EEF2: variants seen among roughly 807,000 people sequenced by gnomAD.
EEF2 encodes the protein eukaryotic translation elongation factor 2.
EEF2 carries 21 observed loss-of-function variants against 85.3 expected under a neutral mutation model. That is an observed-to-expected ratio of 0.25 (90% CI 0.17 to 0.35). The LOEUF (loss-of-function observed/expected upper bound fraction) is 0.35. Ranked by LOEUF, EEF2 falls within the 10% of genes least tolerant of loss-of-function variation. The probability of loss-of-function intolerance (pLI) is 1.00; values close to 1 mark genes in which losing one functional copy is unlikely to be tolerated. For missense variants in EEF2, 825 were observed against 1,225.3 expected (o/e 0.67, Z 4.88); for synonymous variants, 723 against 508.8 (o/e 1.42, Z -5.67).
rs774127743 is a variant in EEF2, at chr19:3,977,631, C to T, written c.2068-21G>A. The stretch of plus-strand genomic sequence containing the variant: ...GCGCCCTGGGGGAGGGGGAGAGCCA[C>T]CGTCAAGGGCCGGACACACCTCGGC... On this transcript the variant is annotated intron_variant, in intron 12 of 14. Coordinates refer to ENST00000309311, the MANE Select transcript of EEF2 (RefSeq NM_001961.4). This position sits in a 1 kb window ranked among gnomAD's most constrained non-coding sequence, Gnocchi z 5.4. 2.5e-5 allele frequency: 38 copies of T among 1,498,920 alleles called. No homozygotes were observed. In the South Asian group the frequency reaches 4.0e-4, roughly 16 times the overall value. 92.9% of individuals were successfully genotyped at this position (1,498,920 alleles called of 1,614,324 possible).
chr19:3,984,803 A>G (rs542514153), intron 1 of EEF2: 35 of 190,284 alleles, frequency 1.8e-4, no homozygotes, highest in Middle Eastern at 2.3e-3. Context: ...CCCAGGAAAT[A>G]ACGGGGAGCC....
rs373062093 is a variant in EEF2, at chr19:3,977,990, C to A, written c.1896G>T (p.Ala632=). ...VSARQELKQR[A]RYLAEKYEWD... is the part of the protein sequence containing the mutation. ...ACTCGTACTTCTCGGCCAGGTAGCG[C>A]GCCCGCTGCTTGAGCTCCTGACGGG... The change falls in exon 12 of 15, where the codon GCG becomes GCT. Residue 632 remains alanine, a synonymous_variant. Transcript: ENST00000309311. The surrounding 1 kb of genome is among the most constrained non-coding windows in gnomAD (Gnocchi z 5.4). 97 of 1,612,704 alleles carry A rather than the reference C, an allele frequency of 6.0e-5. 2 individuals carry two copies. In the South Asian group the frequency reaches 6.9e-4, roughly 12 times the overall value.
Position 3,982,058 on chromosome 19 carries a change from A to G in EEF2, c.792-6T>C, listed in dbSNP as rs772024556. 28 of 1,614,056 alleles carry G rather than the reference A, an allele frequency of 1.7e-5. No individual in the cohort carries two copies. The highest frequency in any genetic ancestry group is 2.4e-5 in the Non-Finnish European group (28 of 1,179,914). On this transcript the variant is annotated splice_polypyrimidine_tract_variant and splice_region_variant and intron_variant, in intron 5 of 14. Transcript: ENST00000309311. The stretch of plus-strand genomic sequence containing the variant: ...CGTTGGCTGGGTCAAAGTACCTGGC[A>G]AGGAGAGGCCAAGCCAAATCAAGTT...
At position 3,979,800 on chromosome 19, in the gene EEF2, G is replaced by A. The variant is rs373448532; in HGVS notation, c.1605+8C>T. The stretch of plus-strand genomic sequence containing the variant: ...TGTCTGCTCCCAGCAGGTGCACTCC[G>A]TGCCCACCTGCACCATGGGGTCGGA... On this transcript the variant is annotated splice_region_variant and intron_variant, in intron 10 of 14. Transcript: ENST00000309311. 58 of 1,609,082 alleles carry A rather than the reference G, an allele frequency of 3.6e-5. No homozygotes were observed. Among genetic ancestry groups the A allele is most frequent in the South Asian group, 9.9e-5 (9 of 91,020 alleles).
In EEF2 at chr19:3,982,840, G is replaced by A; in HGVS notation, c.579C>T (p.Gly193=). ...TGCCCATGGGGCCGCTCTCGCCCTC[G>A]CCGTAGGTGGAGATGATGACGTTCA... ...ENVNVIISTY[G]EGESGPMGNI... is the part of the protein sequence containing the mutation. The change falls in exon 4 of 15, where the codon GGC becomes GGT. Residue 193 remains glycine, a synonymous_variant. Transcript: ENST00000309311. 1 of 1,612,978 alleles carries A rather than the reference G, an allele frequency of 6.2e-7. No homozygotes were observed. The highest frequency in any genetic ancestry group is 8.5e-7 in the Non-Finnish European group (1 of 1,179,826).
intron 11 of EEF2, 130 bp downstream of exon 11, chr19:3,979,199 G>A (rs767522825): frequency 1.9e-4 from 126 of 668,508 alleles, no homozygotes; most frequent in Non-Finnish European, 3.0e-4. Flanking sequence ...GAAACTTGAG[G>A]AACTTAAGAA....
chr19:3,981,056 G>C, intron 7 of EEF2, 77 bp from the exon 8 acceptor site: 1 of 1,495,122 alleles, frequency 6.7e-7, no homozygotes. Context: ...TTCCTCTCTT[G>C]AAGCCAAGGA....
At chr19:3,982,722 G>T in intron 4 of EEF2, 85 bp downstream of exon 4, 2 of 1,434,436 alleles carry the variant, frequency 1.4e-6, no homozygotes, top group Non-Finnish European at 1.9e-6. Context: ...CACACTTCCA[G>T]TCCCCCTCAG....
At position 3,977,745 on chromosome 19, in the gene EEF2, C is replaced by T. The variant is rs903665266; in HGVS notation, c.2067+74G>A. 1.9e-5 allele frequency: 28 copies of T among 1,496,290 alleles called. 1 individual carries two copies. The Admixed American group carries it at 3.1e-4, about 16-fold the overall frequency. 92.7% of individuals were successfully genotyped at this position (1,496,290 alleles called of 1,614,324 possible). A position where few individuals can be genotyped will look rare whatever the true frequency, so the allele number is the denominator to read the frequency against. On this transcript the variant is annotated intron_variant, in intron 12 of 14. Transcript: ENST00000309311. The surrounding 1 kb of genome is among the most constrained non-coding windows in gnomAD (Gnocchi z 5.4). ...CTTGGCCCCATTAGGGTCTCTGTCT[C>T]GGGAGGCAGGACCATGAGGTCCCTC... is the stretch of plus-strand genomic sequence containing the variant.
chr19:3,985,352 G>A (rs1323807131), intron 1 of EEF2, 26 bp downstream of exon 1: 5 of 1,473,526 alleles, frequency 3.4e-6, no homozygotes, highest in Non-Finnish European at 4.5e-6. Context: ...GCCGCTCCGG[G>A]GCACCAGCGA....
chr19:3,981,992 C>T lies in EEF2; in HGVS notation c.852G>A (p.Lys284=), dbSNP rs1467400439. The T allele has an allele frequency of 2.5e-6, 4 of 1,614,216 alleles. No individual in the cohort carries two copies. Among genetic ancestry groups the T allele is most frequent in the Non-Finnish European group, 3.4e-6 (4 of 1,180,028 alleles). Reference sequence around the variant, plus strand: ...TCAGCTGGCAGAAGGTGCGTGGCAGCTTCTTCCCTTCGGGGCTGGTGGCTG... The same window carrying T: ...TCAGCTGGCAGAAGGTGCGTGGCAGTTTCTTCCCTTCGGGGCTGGTGGCTG... ...SKSATSPEGK[K]LPRTFCQLIL... The change falls in exon 6 of 15, where the codon AAG becomes AAA. Residue 284 remains lysine, a synonymous_variant. Coordinates refer to ENST00000309311, the MANE Select transcript of EEF2 (RefSeq NM_001961.4).
At chr19:3,981,092 C>T in intron 7 of EEF2, 113 bp from the exon 8 acceptor site, 2 of 1,453,626 alleles carry the variant, frequency 1.4e-6, no homozygotes, top group Admixed American at 2.3e-5. Context: ...TAACGTTCTC[C>T]AAAGCACAGT....
In EEF2 at chr19:3,985,447, C is replaced by CGACGACGGCGGA; in HGVS notation, c.-79_-68dup. ...AAGCGAGTCGCGCCGAGGATGGCGG[C>CGACGACGGCGGA]GACGACGGCGGAAGAGAACGCTGAC... On this transcript the variant is annotated 5_prime_UTR_variant, in exon 1 of 15. Coordinates refer to ENST00000309311, the MANE Select transcript of EEF2 (RefSeq NM_001961.4). The CGACGACGGCGGA allele has an allele frequency of 1.4e-6, 2 of 1,430,274 alleles. No homozygotes were observed. Among genetic ancestry groups the CGACGACGGCGGA allele is most frequent in the Non-Finnish European group, 1.8e-6 (2 of 1,083,946 alleles). The allele number at this position is 1,430,274 out of a possible 1,614,324, so 88.6% of individuals were successfully genotyped here. A position where few individuals can be genotyped will look rare whatever the true frequency, so the allele number is the denominator to read the frequency against.
Position 3,976,056 on chromosome 19 carries a change from T to G in EEF2, c.*498A>C. 5.9e-6 allele frequency: 1 copy of G among 168,082 alleles called. No individual in the cohort carries two copies. Among genetic ancestry groups the G allele is most frequent in the Non-Finnish European group, 1.3e-5 (1 of 77,170 alleles). 10.4% of individuals were successfully genotyped at this position (168,082 alleles called of 1,614,324 possible). ...ACACCGTGAAAAATGCAGAACAGAGTCACCACCTTATCAAATTTATTATTC... is the reference window on the plus strand; with the variant it reads ...ACACCGTGAAAAATGCAGAACAGAGGCACCACCTTATCAAATTTATTATTC... On this transcript the variant is annotated 3_prime_UTR_variant, in exon 15 of 15. Transcript: ENST00000309311.
At chr19:3,979,568 G>A (rs948025356) in intron 10 of EEF2, 132 bp from the exon 11 acceptor site, 10 of 943,380 alleles carry the variant, frequency 1.1e-5, no homozygotes, top group African/African-American at 1.7e-5. Context: ...ACTGGGACCA[G>A]CACAAACTCC....
At chr19:3,981,911 C>T (rs777374685) in intron 6 of EEF2, 36 bp downstream of exon 6, 7 of 1,593,164 alleles carry the variant, frequency 4.4e-6, no homozygotes, top group South Asian at 1.1e-5. Context: ...GGCCAATAGT[C>T]GCATCGGCGG....
rs770934899 is a variant in EEF2 at position 3,977,209 on chromosome 19, A to T, written c.2383+6T>A. 1.9e-6 allele frequency: 3 copies of T among 1,612,820 alleles called. No individual in the cohort carries two copies. Among genetic ancestry groups the T allele is most frequent in the Non-Finnish European group, 2.5e-6 (3 of 1,179,524 alleles). On this transcript the variant is annotated splice_donor_region_variant and intron_variant, in intron 14 of 14. Coordinates refer to ENST00000309311, the MANE Select transcript of EEF2 (RefSeq NM_001961.4). The surrounding 1 kb of genome is among the most constrained non-coding windows in gnomAD (Gnocchi z 5.4). ...GCTCTGCAGGCCACACCGGGCAGGC[A>T]CTCACCAAAGGACTCGTTGACGGGC...
Position 3,981,382 on chromosome 19 carries a change from A to T in EEF2, c.968T>A (p.Leu323Gln). Reference protein sequence around the residue: ...AKLIEKLDIKLDSEDKDKEGK... With the variant: ...AKLIEKLDIKQDSEDKDKEGK... ...TTCTTTGTCCTTGTCCTCGCTGTCC[A>T]GTTTGATGTCCAGTTTCTCTATCAG... is the stretch of plus-strand genomic sequence containing the variant. Residue 323 changes from leucine (L) to glutamine (Q), a missense_variant, in exon 7 of 15, where the codon CTG (leucine) becomes CAG (glutamine). By Grantham distance (113) the Leu-to-Gln change is moderately radical. Coordinates refer to ENST00000309311, the MANE Select transcript of EEF2 (RefSeq NM_001961.4). The T allele has an allele frequency of 6.2e-7, 1 of 1,614,236 alleles. No homozygotes were observed. The highest frequency in any genetic ancestry group is 8.5e-7 in the Non-Finnish European group (1 of 1,180,046).
chr19:3,977,541 C>G lies in EEF2; in HGVS notation c.2137G>C (p.Ala713Pro). ...DVHDVTLHADAIHRGGGQIIP... is the reference protein window; with the variant it reads ...DVHDVTLHADPIHRGGGQIIP... Reference sequence around the variant, plus strand: ...ATCTGGCCCCCTCCGCGGTGGATGGCGTCGGCGTGCAGGGTGACGTCGTGG... The same window carrying G: ...ATCTGGCCCCCTCCGCGGTGGATGGGGTCGGCGTGCAGGGTGACGTCGTGG... Residue 713 changes from alanine to proline, a missense_variant, in exon 13 of 15, where the codon GCC becomes CCC. Transcript: ENST00000309311. The surrounding 1 kb of genome is among the most constrained non-coding windows in gnomAD (Gnocchi z 5.4). 1 of 1,586,954 alleles carries G rather than the reference C, an allele frequency of 6.3e-7. No homozygotes were observed. Among genetic ancestry groups the G allele is most frequent in the Non-Finnish European group, 8.5e-7 (1 of 1,172,118 alleles).
Sources: gnomAD v4.1 joint callset for allele counts on GRCh38, gnomAD v4.1.1 for gene constraint, Gnocchi (gnomAD v3.1) non-coding constraint, MANE v1.5 for transcripts, NCBI Gene and HGNC (gene_info 2026-07-23, HGNC 2026-07-21) for gene names.